The following ARFGEF2 variants were observed in gnomAD, a reference collection of about 807,000 sequenced individuals.
ARFGEF2 encodes ARF guanine nucleotide exchange factor 2, also known as brefeldin A-inhibited guanine nucleotide-exchange protein 2.
Under a neutral mutation model 219.9 loss-of-function variants are expected in ARFGEF2, and 74 were observed. The observed-to-expected ratio is 0.34, with a 90% CI of 0.28 to 0.41. The LOEUF is 0.41. Among genes scored for constraint, ARFGEF2 ranks in the 10% least tolerant of loss-of-function variants. The pLI is 1.00. For missense variants in ARFGEF2, 1,743 were observed against 2,218.3 expected (o/e 0.79, Z 4.30); for synonymous variants, 733 against 799.2 (o/e 0.92, Z 1.40).
At chr20:48,975,910 G>T (rs900364820) in intron 13 of ARFGEF2, 106 bp from the exon 14 acceptor site, 22 of 961,812 alleles carry the variant, frequency 2.3e-5, no homozygotes, top group African/African-American at 3.3e-5. Flanking sequence ...GTATTGACTT[G>T]TTGCTATTAC....
At chr20:48,994,776 A>G (rs370106589) in intron 22 of ARFGEF2, among the ~76,000 whole-genome samples, 178 bp downstream of exon 22, 15 of 152,338 alleles carry the variant, frequency 9.8e-5, no homozygotes, top group African/African-American at 2.9e-4. Flanking sequence ...TAAACTGTTG[A>G]GTAAAATGTC....
intron 12 of ARFGEF2, 101 bp downstream of exon 12, chr20:48,973,385 T>A: frequency 7.8e-7 from 1 of 1,278,258 alleles, no homozygotes; most frequent in Non-Finnish European, 1.1e-6. Context: ...GATACAGCAG[T>A]GAACAAAACA....
chr20:48,988,201 G>A (rs1237745535), intron 16 of ARFGEF2, 103 bp from the exon 17 acceptor site: 1 of 811,862 alleles, frequency 1.2e-6, no homozygotes, highest in Admixed American at 2.0e-5. Flanking sequence ...TTGGAATCAA[G>A]GGGAGTAGTC....
At chr20:48,937,346 G>A (rs909293993) in intron 1 of ARFGEF2, among the ~76,000 whole-genome samples, 1 of 152,214 alleles carries the variant, frequency 6.6e-6, no homozygotes, top group African/African-American at 2.4e-5. Flanking sequence ...CAAAGATGCC[G>A]TTATCATCTG....
In ARFGEF2 at chr20:48,994,433, A is replaced by G. The variant is rs754835858; in HGVS notation, c.2974-18A>G. On this transcript the variant is annotated intron_variant, in intron 21 of 38. Transcript: ENST00000371917. ...CTGTAAGGTAGGAACTCATTTCTTC[A>G]TGCCTTCTTTCTCTTAGATCTTGAA... 1.6e-4 allele frequency: 263 copies of G among 1,613,630 alleles called. No individual in the cohort carries two copies. Among genetic ancestry groups the G allele is most frequent in the Non-Finnish European group, 2.1e-4 (253 of 1,180,014 alleles).
At chr20:48,968,584 A>G (rs2091205775) in intron 8 of ARFGEF2, among the ~76,000 whole-genome samples, 2 of 149,990 alleles carry the variant, frequency 1.3e-5, no homozygotes, top group African/African-American at 4.9e-5. Context: ...TTGGTCTGGA[A>G]CTCCTTACCT....
Position 48,989,592 on chromosome 20 carries a change from G to A in ARFGEF2, c.2722G>A (p.Gly908Arg), listed in dbSNP as rs768250101. ...WTPLLAAYSI[G>R]LQNCDDTEVA... is the part of the protein sequence containing the mutation. ...GCCACTATTGGCAGCCTACAGCATC[G>A]GACTCCAGAACTGTGATGACACTGA... is the stretch of plus-strand genomic sequence containing the variant. The change falls in exon 20 of 39, where the codon GGA becomes AGA. Residue 908 changes from glycine to arginine, a missense_variant. Gly to Arg is a moderately radical substitution (Grantham distance 125, BLOSUM62 -2). Transcript: ENST00000371917. 8 of 1,614,164 alleles carry A rather than the reference G, an allele frequency of 5.0e-6. No individual in the cohort carries two copies. Among genetic ancestry groups the A allele is most frequent in the Non-Finnish European group, 5.1e-6 (6 of 1,180,038 alleles).
chr20:49,021,887 A>G (rs2091566946), intron 34 of ARFGEF2, among the ~76,000 whole-genome samples: 1 of 144,468 alleles, frequency 6.9e-6, no homozygotes, highest in Non-Finnish European at 1.5e-5. Flanking sequence ...ACAGTGGCTC[A>G]TGCCTGTAAT....
intron 1 of ARFGEF2, among the ~76,000 whole-genome samples, chr20:48,932,527 C>T (rs114599665): frequency 6.2e-4 from 95 of 152,240 alleles, no homozygotes; most frequent in African/African-American, 2.1e-3. Context: ...AAAGGGGACG[C>T]TAGTACAATC....
rs1264693743 is a variant in ARFGEF2, at chr20:49,011,985, C to T, written c.3819C>T (p.Cys1273=). The change falls in exon 28 of 39, where the codon TGC becomes TGT. Residue 1273 remains cysteine, a synonymous_variant. Coordinates refer to ENST00000371917, the MANE Select transcript of ARFGEF2 (RefSeq NM_006420.3). ...ATTCCTTTCAGGATGCTGTGAAGTG[C>T]TTATCAGAGTTCGCCTGCAACGCCG... ...AIDSFQDAVK[C]LSEFACNAAF... 6.2e-7 allele frequency: 1 copy of T among 1,614,100 alleles called. No individual in the cohort carries two copies. Among genetic ancestry groups the T allele is most frequent in the African/African-American group, 1.3e-5 (1 of 74,928 alleles).
intron 27 of ARFGEF2, among the ~76,000 whole-genome samples, chr20:49,010,890 G>A (rs1209835390): frequency 2.0e-5 from 3 of 152,226 alleles, no homozygotes; most frequent in African/African-American, 7.2e-5. Flanking sequence ...CACGTTCCCA[G>A]TTGTGGTGGA....
intron 1 of ARFGEF2, among the ~76,000 whole-genome samples, chr20:48,928,433 C>T (rs377120086): frequency 6.9e-5 from 10 of 145,218 alleles, no homozygotes; most frequent in African/African-American, 2.3e-4. Context: ...CTCCTGACCT[C>T]GTGATCCGCC....
chr20:48,994,514 T>C lies in ARFGEF2; in HGVS notation c.3037T>C (p.Tyr1013His), dbSNP rs2091374974. The C allele has an allele frequency of 6.2e-7, 1 of 1,614,012 alleles. No individual in the cohort carries two copies. ...QLIGTGVKTR[Y>H]LSGSGREREG... ...GATAGGAACCGGTGTGAAGACGCGCTACCTGTCTGGATCTGGGCGTGAAAG... is the reference window on the plus strand; with the variant it reads ...GATAGGAACCGGTGTGAAGACGCGCCACCTGTCTGGATCTGGGCGTGAAAG... The change falls in exon 22 of 39, where the codon TAC becomes CAC. Residue 1013 changes from tyrosine to histidine, a missense_variant. Tyr to His is a moderately conservative substitution (Grantham distance 83). Coordinates refer to ENST00000371917, the MANE Select transcript of ARFGEF2 (RefSeq NM_006420.3).
intron 21 of ARFGEF2, among the ~76,000 whole-genome samples, chr20:48,992,821 T>C (rs1344757159): frequency 6.6e-6 from 1 of 152,132 alleles, no homozygotes; most frequent in East Asian, 1.9e-4. Flanking sequence ...GGCAGAAGGA[T>C]GGCTTGAGGC....
Position 49,033,085 on chromosome 20 carries a change from C to G in ARFGEF2, c.5244C>G (p.Ile1748Met). 1 of 1,614,096 alleles carries G rather than the reference C, an allele frequency of 6.2e-7. No individual in the cohort carries two copies. Among genetic ancestry groups the G allele is most frequent in the Non-Finnish European group, 8.5e-7 (1 of 1,180,040 alleles). The change falls in exon 39 of 39, where the codon ATC (isoleucine) becomes ATG (methionine). Residue 1748 changes from isoleucine to methionine, a missense_variant. Transcript: ENST00000371917. Reference protein sequence around the residue: ...YLCEIMQFDLIPELRAVLRKF... With the variant: ...YLCEIMQFDLMPELRAVLRKF... The stretch of plus-strand genomic sequence containing the variant: ...GTGAAATTATGCAGTTTGACCTGAT[C>G]CCTGAGCTCCGAGCAGTTCTGCGGA...
At position 48,989,428 on chromosome 20, in the gene ARFGEF2, A is replaced by G. The variant is rs750966122; in HGVS notation, c.2677A>G (p.Met893Val). ...CACTCACCTGGACCATGTCCGGCCA[A>G]TGTTCAAAGTGAGTATCCTGAGAAC... is the stretch of plus-strand genomic sequence containing the variant. ...SATHLDHVRP[M>V]FKLVWTPLLA... Residue 893 changes from methionine (M) to valine (V), a missense_variant, in exon 19 of 39, where the codon ATG becomes GTG. Physicochemically the swap from Met to Val is conservative, Grantham distance 21. Around this residue, in one of 5 missense-constraint regions of ARFGEF2, gnomAD observed 666 missense variants for 955.4 expected, o/e 0.70. Coordinates refer to ENST00000371917, the MANE Select transcript of ARFGEF2 (RefSeq NM_006420.3). 31 of 1,614,114 alleles carry G rather than the reference A, an allele frequency of 1.9e-5. No individual in the cohort carries two copies. Among genetic ancestry groups the G allele is most frequent in the Non-Finnish European group, 2.4e-5 (28 of 1,180,052 alleles).
intron 1 of ARFGEF2, among the ~76,000 whole-genome samples, chr20:48,932,204 C>G (rs982995389): frequency 2.0e-5 from 3 of 152,026 alleles, no homozygotes; most frequent in African/African-American, 7.2e-5. Flanking sequence ...AGAGTAGGCC[C>G]GAAGTGGGTC....
chr20:48,953,099 G>A (rs1209216253), intron 5 of ARFGEF2, among the ~76,000 whole-genome samples: 1 of 151,724 alleles, frequency 6.6e-6, no homozygotes, highest in East Asian at 1.9e-4. Flanking sequence ...GACTGTCAAA[G>A]GAATTTATTT....
chr20:48,961,360 C>T (rs2091149549), intron 6 of ARFGEF2, among the ~76,000 whole-genome samples: 1 of 151,818 alleles, frequency 6.6e-6, no homozygotes, highest in Non-Finnish European at 1.5e-5. Flanking sequence ...ACAGATTAGC[C>T]TAGGCCTGCA....
Sources: gnomAD v4.1 joint callset for allele counts (sites outside exome capture counted in the v4.1 genomes callset) on GRCh38, gnomAD v4.1.1 for gene constraint, gnomAD v4.1.1 regional missense constraint, MANE v1.5 for transcripts, NCBI Gene and HGNC (gene_info 2026-07-23, HGNC 2026-07-21) for gene names.